Variants in RORA observed in about 807,000 individuals in gnomAD.
RORA encodes RAR related orphan receptor A.
In RORA, 7 loss-of-function variants were observed where a neutral mutation model predicts 69.5. The ratio of observed to expected loss-of-function variants is 0.10; its 90% CI spans 0.06 to 0.19. The LOEUF is 0.19. Among genes scored for constraint, RORA ranks in the 10% least tolerant of loss-of-function variants. The pLI, the probability that RORA is intolerant of heterozygous loss-of-function variation, is 1.00. For synonymous variants in RORA, 261 were observed against 240.8 expected, an observed-to-expected ratio of 1.08 and a Z score of -0.78; for missense variants, 457 against 663.0, an observed-to-expected ratio of 0.69 and a Z score of 3.41.
intron 1 of RORA, among the ~76,000 whole-genome samples, chr15:60,722,059 T>C (rs2071300899): frequency 6.6e-6 from 1 of 152,252 alleles, no homozygotes; most frequent in Non-Finnish European, 1.5e-5. Context: ...TTACTGAAAC[T>C]ATACCAATAC....
chr15:61,122,853 T>C (rs944319244), intron 1 of RORA, among the ~76,000 whole-genome samples: 1 of 152,150 alleles, frequency 6.6e-6, no homozygotes, highest in Non-Finnish European at 1.5e-5. Flanking sequence ...CAGATAAGGC[T>C]TCTTGCCTGT....
At chr15:61,130,934 C>A (rs1161430126) in intron 1 of RORA, among the ~76,000 whole-genome samples, 1 of 152,184 alleles carries the variant, frequency 6.6e-6, no homozygotes, top group African/African-American at 2.4e-5. Flanking sequence ...TGAGACCCAG[C>A]CAAGTTTTAA....
At chr15:60,636,680 T>G (rs1428445932) in intron 2 of RORA, among the ~76,000 whole-genome samples, 2 of 152,182 alleles carry the variant, frequency 1.3e-5, no homozygotes, top group Non-Finnish European at 2.9e-5. Context: ...GTAGAAAATT[T>G]GAAACTTAGA....
At chr15:60,807,249 G>A (rs1282601328) in intron 1 of RORA, among the ~76,000 whole-genome samples, 1 of 152,142 alleles carries the variant, frequency 6.6e-6, no homozygotes, top group African/African-American at 2.4e-5. Context: ...CATATCAGTA[G>A]CCCTGCTATA....
intron 1 of RORA, among the ~76,000 whole-genome samples, chr15:60,846,554 T>C (rs2073267721): frequency 6.6e-6 from 1 of 152,196 alleles, no homozygotes. Context: ...GAGCCACTGG[T>C]AATTTGACTG....
At chr15:61,043,845 G>A (rs1896900121) in intron 1 of RORA, among the ~76,000 whole-genome samples, 1 of 152,160 alleles carries the variant, frequency 6.6e-6, no homozygotes, top group African/African-American at 2.4e-5. Flanking sequence ...TGGTACGACA[G>A]GTGGTGACTC....
At chr15:60,968,914 C>T (rs1404068228) in intron 1 of RORA, among the ~76,000 whole-genome samples, 1 of 152,204 alleles carries the variant, frequency 6.6e-6, no homozygotes, top group African/African-American at 2.4e-5. Flanking sequence ...TGTCATGTCT[C>T]TTCTTCCTCA....
At chr15:60,741,936 C>T (rs1237975116) in intron 1 of RORA, among the ~76,000 whole-genome samples, 1 of 152,178 alleles carries the variant, frequency 6.6e-6, no homozygotes, top group Non-Finnish European at 1.5e-5. Context: ...CCTGCCAAGC[C>T]TCCTCTGGAC....
At chr15:60,501,941 A>G (rs185810127) in intron 8 of RORA, among the ~76,000 whole-genome samples, 2 of 152,324 alleles carry the variant, frequency 1.3e-5, no homozygotes, top group Admixed American at 1.3e-4. Flanking sequence ...ATTCTTCTTA[A>G]TAACTATGTT....
intron 1 of RORA, among the ~76,000 whole-genome samples, chr15:60,940,825 G>T (rs1335565907): frequency 6.6e-6 from 1 of 152,186 alleles, no homozygotes; most frequent in Non-Finnish European, 1.5e-5. Flanking sequence ...TACTCGGGAG[G>T]CTGAGGCAGG....
chr15:61,212,927 C>G (rs1250198309), intron 1 of RORA, among the ~76,000 whole-genome samples: 1 of 152,178 alleles, frequency 6.6e-6, no homozygotes, highest in Non-Finnish European at 1.5e-5. Flanking sequence ...AGAGTTAGGA[C>G]TCCAGCTCTC....
At chr15:60,870,543 G>T (rs2073544263) in intron 1 of RORA, among the ~76,000 whole-genome samples, 1 of 152,214 alleles carries the variant, frequency 6.6e-6, no homozygotes, top group Non-Finnish European at 1.5e-5. Context: ...TCTTTAGCTA[G>T]CAAATCTCTG....
At chr15:61,000,056 G>A (rs1303124578) in intron 1 of RORA, among the ~76,000 whole-genome samples, 1 of 151,960 alleles carries the variant, frequency 6.6e-6, no homozygotes, top group East Asian at 1.9e-4. Flanking sequence ...AGCTGGAAAA[G>A]CAAAGTTTTT....
rs10594406 is a variant in RORA, at chr15:60,617,659, C to CAGAGAGAGAGAG, written c.196+60986_196+60997dup. On this transcript the variant is annotated intron_variant, in intron 2 of 10. Transcript: ENST00000335670. ...ACACACGCACATACACACATACAGACAGAGAGAGAGAGAGAGAGAGAGAGA... is the reference window on the plus strand; with the variant it reads ...ACACACGCACATACACACATACAGACAGAGAGAGAGAGAGAGAGAGAGAGAGAGAGAGAGAGA... Among the ~76,000 whole-genome samples, 194 of 141,522 alleles carry CAGAGAGAGAGAG rather than the reference C, an allele frequency of 1.4e-3. 1 individual carries two copies. The highest frequency in any genetic ancestry group is 3.6e-3 in the Middle Eastern group (1 of 276). The allele number at this position is 141,522 out of a possible 152,430, so 92.8% of individuals were successfully genotyped here.
At chr15:61,203,269 A>G (rs1392918771) in intron 1 of RORA, among the ~76,000 whole-genome samples, 5 of 152,220 alleles carry the variant, frequency 3.3e-5, no homozygotes, top group Non-Finnish European at 1.5e-5. Flanking sequence ...GTGAAATTCA[A>G]TAAGAGGCAA....
intron 1 of RORA, among the ~76,000 whole-genome samples, chr15:60,898,569 C>T (rs1339057581): frequency 6.6e-6 from 1 of 151,664 alleles, no homozygotes; most frequent in Non-Finnish European, 1.5e-5. Flanking sequence ...ACTGGTGGTA[C>T]ACACCTATAG....
chr15:60,707,454 C>T, intron 1 of RORA, among the ~76,000 whole-genome samples: 1 of 151,900 alleles, frequency 6.6e-6, no homozygotes, highest in Non-Finnish European at 1.5e-5. Context: ...AGCTCCGCCT[C>T]CCGGGTTCAC....
rs188919359 is a variant in RORA at position 61,021,210 on chromosome 15, G to A, written c.166+207843C>T. Among the ~76,000 whole-genome samples the A allele has an allele frequency of 2.7e-4, 41 of 152,334 alleles. 2 individuals carry two copies. The highest frequency in any genetic ancestry group is 2.5e-3 in the Admixed American group (39 of 15,302). On this transcript the variant is annotated intron_variant, in intron 1 of 10. Transcript: ENST00000335670. ...CCTCTCTAGTCTATTGGCCATAAAT[G>A]GGTCACATGGCTACAGGGGAGGCTG...
chr15:61,204,266 C>T (rs539575792), intron 1 of RORA, among the ~76,000 whole-genome samples: 155 of 152,318 alleles, frequency 1.0e-3, no homozygotes, highest in African/African-American at 3.4e-3. Flanking sequence ...GCAGGACCCT[C>T]GTCTGTCTTC....
Sources: allele counts gnomAD v4.1 joint callset (sites outside exome capture counted in the v4.1 genomes callset), GRCh38; gene constraint gnomAD v4.1.1; transcripts MANE v1.5; gene names NCBI Gene and HGNC (gene_info 2026-07-23, HGNC 2026-07-21).